The following GALNTL6 variants were observed in gnomAD, a reference collection of about 807,000 sequenced individuals.
The protein encoded by GALNTL6 is polypeptide N-acetylgalactosaminyltransferase like 6.
GALNTL6 carries 46 observed loss-of-function variants against 73.7 expected under a neutral mutation model. The ratio of observed to expected loss-of-function variants is 0.62; its 90% CI spans 0.49 to 0.80. The LOEUF (loss-of-function observed/expected upper bound fraction) is 0.80, where lower values mean the gene tolerates loss of function less well. GALNTL6 is among the 30% of genes least tolerant of loss of function. The pLI, the probability that GALNTL6 is intolerant of heterozygous loss-of-function variation, is 0.00. For synonymous variants in GALNTL6, 259 were observed against 263.7 expected, an observed-to-expected ratio of 0.98 and a Z score of 0.17; for missense variants, 604 against 755.0, an observed-to-expected ratio of 0.80 and a Z score of 2.34.
At chr4:172,582,747 GACACACACACAC>G (rs35246163) in intron 5 of GALNTL6, among the ~76,000 whole-genome samples, 4 of 142,734 alleles carry the variant, frequency 2.8e-5, no homozygotes, top group South Asian at 2.3e-4. Context: ...CACACACACA[GACACACACACAC>G]ACACACACAC....
intron 5 of GALNTL6, among the ~76,000 whole-genome samples, chr4:172,762,766 C>A (rs1738186015): frequency 8.4e-6 from 1 of 119,442 alleles, no homozygotes. Flanking sequence ...TCAAATTATC[C>A]AAACAGCAGA....
chr4:172,492,879 C>G (rs1174441459), intron 5 of GALNTL6, among the ~76,000 whole-genome samples: 2 of 152,082 alleles, frequency 1.3e-5, no homozygotes, highest in African/African-American at 4.8e-5. Flanking sequence ...TGTCTGAAAT[C>G]CAGCATAGTT....
chr4:172,360,103 T>C (rs1201872696), intron 5 of GALNTL6, among the ~76,000 whole-genome samples: 1 of 152,224 alleles, frequency 6.6e-6, no homozygotes, highest in Non-Finnish European at 1.5e-5. Context: ...TAAAACCACA[T>C]GGATTTCTTA....
chr4:172,737,872 C>T (rs1199202125), intron 5 of GALNTL6, among the ~76,000 whole-genome samples: 4 of 152,182 alleles, frequency 2.6e-5, no homozygotes. Context: ...AGACCACTGC[C>T]TGTCCCAAAT....
intron 5 of GALNTL6, among the ~76,000 whole-genome samples, chr4:172,494,697 C>A (rs565875594): frequency 4.3e-4 from 66 of 152,276 alleles, no homozygotes; most frequent in South Asian, 4.1e-4. Context: ...TCCAAGAGAG[C>A]AAAAGCTGAA....
intron 5 of GALNTL6, among the ~76,000 whole-genome samples, chr4:172,756,066 A>G (rs1737731123): frequency 6.6e-6 from 1 of 152,188 alleles, no homozygotes; most frequent in Admixed American, 6.5e-5. Flanking sequence ...CAATAAAACC[A>G]AAGAGGTAGT....
At chr4:172,536,173 A>G (rs1735339131) in intron 5 of GALNTL6, among the ~76,000 whole-genome samples, 1 of 152,136 alleles carries the variant, frequency 6.6e-6, no homozygotes, top group Admixed American at 6.6e-5. Context: ...AGCTATGTGG[A>G]TCTGAGTCCA....
chr4:172,210,514 A>G (rs886777052), intron 2 of GALNTL6, among the ~76,000 whole-genome samples: 1 of 152,046 alleles, frequency 6.6e-6, no homozygotes, highest in Non-Finnish European at 1.5e-5. Context: ...ATGTCCCTCT[A>G]TTGGGATTTG....
intron 3 of GALNTL6, among the ~76,000 whole-genome samples, chr4:172,238,322 G>A (rs918754349): frequency 6.6e-6 from 1 of 152,038 alleles, no homozygotes; most frequent in Non-Finnish European, 1.5e-5. Flanking sequence ...TCACCTCTCT[G>A]GTTAGCTTTA....
chr4:172,139,735 C>G (rs1373515167), intron 2 of GALNTL6, among the ~76,000 whole-genome samples: 1 of 152,142 alleles, frequency 6.6e-6, no homozygotes, highest in African/African-American at 2.4e-5. Flanking sequence ...GAATTCTGCC[C>G]TTTTAGAAAT....
At chr4:173,037,115 G>A (rs930952235) in intron 12 of GALNTL6, among the ~76,000 whole-genome samples, 7 of 152,210 alleles carry the variant, frequency 4.6e-5, no homozygotes, top group African/African-American at 1.7e-4. Flanking sequence ...GGTGCTTTGA[G>A]AAGCTTCACC....
chr4:171,891,069 T>C (rs571817248), intron 2 of GALNTL6, among the ~76,000 whole-genome samples: 1 of 152,278 alleles, frequency 6.6e-6, no homozygotes, highest in Non-Finnish European at 1.5e-5. Flanking sequence ...TTCTCTGTTA[T>C]CAATTACCAG....
chr4:171,884,461 G>C (rs150043368), intron 2 of GALNTL6, among the ~76,000 whole-genome samples: 3 of 151,938 alleles, frequency 2.0e-5, no homozygotes, highest in Admixed American at 1.3e-4. Flanking sequence ...AAGAAGCTTA[G>C]TGTCATGCTC....
At chr4:172,818,943 A>ATATCAGTTTGAAT (rs542464302) in intron 7 of GALNTL6, among the ~76,000 whole-genome samples, 19 of 152,350 alleles carry the variant, frequency 1.2e-4, no homozygotes, top group African/African-American at 4.3e-4. Context: ...TTCCACAGAC[A>ATATCAGTTTGAAT]TATCAGTTTG....
intron 5 of GALNTL6, among the ~76,000 whole-genome samples, chr4:172,782,266 G>A (rs1243060198): frequency 1.3e-5 from 2 of 152,146 alleles, no homozygotes; most frequent in Non-Finnish European, 2.9e-5. Flanking sequence ...ATAGGCGTAT[G>A]TTAAATATTA....
chr4:172,235,968 G>T (rs1737227215), intron 3 of GALNTL6, among the ~76,000 whole-genome samples: 1 of 152,094 alleles, frequency 6.6e-6, no homozygotes, highest in South Asian at 2.1e-4. Flanking sequence ...TATCCATGTT[G>T]CAGCAAAGGA....
At chr4:172,698,251 C>T (rs548542652) in intron 5 of GALNTL6, among the ~76,000 whole-genome samples, 2 of 151,954 alleles carry the variant, frequency 1.3e-5, no homozygotes, top group African/African-American at 2.4e-5. Flanking sequence ...TGAGCCTGCC[C>T]GGTATTCAGA....
intron 8 of GALNTL6, among the ~76,000 whole-genome samples, chr4:172,927,719 T>A (rs967453639): frequency 3.3e-5 from 5 of 152,192 alleles, no homozygotes; most frequent in Admixed American, 2.6e-4. Context: ...TCTCAGGTCC[T>A]TGGACTTTTT....
intron 2 of GALNTL6, among the ~76,000 whole-genome samples, chr4:171,884,021 A>G (rs929088710): frequency 3.3e-5 from 5 of 152,188 alleles, no homozygotes; most frequent in Non-Finnish European, 7.4e-5. Flanking sequence ...AAACCCATTT[A>G]TATTTACATA....
Sources: allele counts gnomAD v4.1 joint callset (sites outside exome capture counted in the v4.1 genomes callset), GRCh38; gene constraint gnomAD v4.1.1; transcripts MANE v1.5; gene names NCBI Gene and HGNC (gene_info 2026-07-23, HGNC 2026-07-21).